The following RPS6KC1 variants were observed in gnomAD, a reference collection of about 807,000 sequenced individuals.
The protein encoded by RPS6KC1 is inactive ribosomal protein S6 kinase delta-1.
In RPS6KC1, 54 loss-of-function variants were observed where a neutral mutation model predicts 103.8. The observed-to-expected ratio is 0.52, with a 90% CI of 0.42 to 0.65. The LOEUF is 0.65. RPS6KC1 is among the 30% of genes least tolerant of loss of function. RPS6KC1 has a pLI of 0.00. For synonymous variants in RPS6KC1, 439 were observed against 438.7 expected (o/e 1.00, Z -0.01); for missense variants, 1,151 against 1,253.8 (o/e 0.92, Z 1.24).
At chr1:213,445,842 G>C in the RPS6KC1 span, among the ~76,000 whole-genome samples, 2 of 152,120 alleles carry the variant, frequency 1.3e-5, no homozygotes, top group African/African-American at 4.8e-5. Context: ...GGTACCCCTC[G>C]CATTCATGGT....
chr1:213,469,645 G>A, the RPS6KC1 span, among the ~76,000 whole-genome samples: 1 of 152,198 alleles, frequency 6.6e-6, no homozygotes, highest in Non-Finnish European at 1.5e-5. Flanking sequence ...CATCATGTGA[G>A]TCCTGCATCA....
chr1:213,118,100 G>C (rs1486347721), intron 5 of RPS6KC1, among the ~76,000 whole-genome samples: 2 of 147,788 alleles, frequency 1.4e-5, no homozygotes, highest in Non-Finnish European at 3.0e-5. Flanking sequence ...ACTGGCTTTA[G>C]AGATTTAGTC....
intron 8 of RPS6KC1, among the ~76,000 whole-genome samples, chr1:213,209,666 G>A (rs2148658691): frequency 8.4e-6 from 1 of 119,692 alleles, no homozygotes; most frequent in East Asian, 2.7e-4. Context: ...CTGCACTCCT[G>A]TCTGGGCAAC....
intron 7 of RPS6KC1, among the ~76,000 whole-genome samples, chr1:213,169,466 T>C (rs747701226): frequency 6.6e-6 from 1 of 152,240 alleles, no homozygotes; most frequent in African/African-American, 2.4e-5. Flanking sequence ...TCTTTTAGTC[T>C]GTATTCTGTT....
chr1:213,261,368 C>CA lies in RPS6KC1; in HGVS notation c.2912-179dup, dbSNP rs368355314. Among the ~76,000 whole-genome samples the CA allele has an allele frequency of 1.3e-3, 193 of 143,664 alleles. 1 individual carries two copies. Among genetic ancestry groups the CA allele is most frequent in the Admixed American group, 2.6e-3 (38 of 14,442 alleles). 94.2% of individuals were successfully genotyped at this position (143,664 alleles called of 152,430 possible). A position where few individuals can be genotyped will look rare whatever the true frequency, so the allele number is the denominator to read the frequency against. ...GTCTGAGTTTAATATATGACTGCATCAAAAAAAAAAATATATGCAACCGCA... is the reference window on the plus strand; with the variant it reads ...GTCTGAGTTTAATATATGACTGCATCAAAAAAAAAAAATATATGCAACCGCA... On this transcript the variant is annotated intron_variant, in intron 12 of 14. Transcript: ENST00000366960.
chr1:213,391,543 A>G, the RPS6KC1 span, among the ~76,000 whole-genome samples: 28 of 152,352 alleles, frequency 1.8e-4, 1 homozygote, highest in Admixed American at 1.6e-3. Context: ...TGTACAGTTC[A>G]GACCTGTCTG....
chr1:213,332,189 A>T, the RPS6KC1 span, among the ~76,000 whole-genome samples: 9 of 152,226 alleles, frequency 5.9e-5, no homozygotes, highest in African/African-American at 2.2e-4. Context: ...AATTTCAGTT[A>T]AAACATTAAC....
Position 213,154,713 on chromosome 1 carries a change from G to C in RPS6KC1, c.836-13145G>C, listed in dbSNP as rs76532683. Among the ~76,000 whole-genome samples, 85 of 152,344 alleles carry C rather than the reference G, an allele frequency of 5.6e-4. 1 individual carries two copies. The highest frequency in any genetic ancestry group is 9.7e-4 in the Non-Finnish European group (66 of 68,036). ...GTTCAATAGTCAAGGCCTGAAATTGGGGCACCTTAAGTGCCCGCTTGGTGC... is the reference window on the plus strand; with the variant it reads ...GTTCAATAGTCAAGGCCTGAAATTGCGGCACCTTAAGTGCCCGCTTGGTGC... On this transcript the variant is annotated intron_variant, in intron 6 of 14. Coordinates refer to ENST00000366960, the MANE Select transcript of RPS6KC1 (RefSeq NM_012424.6).
the RPS6KC1 span, among the ~76,000 whole-genome samples, chr1:213,508,530 T>TTGTGTGTGTGTG: frequency 6.6e-6 from 1 of 150,942 alleles, no homozygotes; most frequent in Non-Finnish European, 1.5e-5. Flanking sequence ...AGTAAGGGGT[T>TTGTGTGTGTGTG]TGTGTGTGTG....
chr1:213,261,433 A>C, intron 12 of RPS6KC1, 125 bp from the exon 13 acceptor site: 1 of 774,766 alleles, frequency 1.3e-6, no homozygotes, highest in Non-Finnish European at 2.1e-6. Context: ...AGGAATTTTG[A>C]AAGCCCAGTA....
At chr1:213,117,584 G>T (rs1473853749) in intron 5 of RPS6KC1, among the ~76,000 whole-genome samples, 174 bp downstream of exon 5, 1 of 151,306 alleles carries the variant, frequency 6.6e-6, no homozygotes, top group African/African-American at 2.4e-5. Flanking sequence ...ATGATATTGG[G>T]TCAGGCATAT....
the RPS6KC1 span, among the ~76,000 whole-genome samples, chr1:213,559,007 C>T: frequency 6.6e-6 from 1 of 152,216 alleles, no homozygotes; most frequent in African/African-American, 2.4e-5. Context: ...TGTAATTAGT[C>T]TAGTTTTTTC....
the RPS6KC1 span, among the ~76,000 whole-genome samples, chr1:213,810,009 C>T: frequency 3.9e-5 from 6 of 152,274 alleles, no homozygotes; most frequent in Non-Finnish European, 7.4e-5. Context: ...ATAAATACAC[C>T]ACAACCAGCC....
chr1:213,438,835 C>G, the RPS6KC1 span, among the ~76,000 whole-genome samples: 3 of 149,776 alleles, frequency 2.0e-5, no homozygotes, highest in African/African-American at 7.4e-5. Flanking sequence ...GCTCTGTCAC[C>G]CAGGCTGGAG....
chr1:213,226,981 CT>C (rs2093978924), intron 8 of RPS6KC1, among the ~76,000 whole-genome samples: 2 of 152,200 alleles, frequency 1.3e-5, no homozygotes, highest in Non-Finnish European at 2.9e-5. Flanking sequence ...CACTTATTAT[CT>C]TTGTGAGTAT....
intron 8 of RPS6KC1, among the ~76,000 whole-genome samples, chr1:213,209,227 A>AT (rs1179522032): frequency 1.3e-5 from 2 of 152,074 alleles, no homozygotes; most frequent in African/African-American, 4.8e-5. Flanking sequence ...GCTCACTTTC[A>AT]TCTACTGTCT....
At chr1:213,176,135 A>C (rs2148293662) in intron 7 of RPS6KC1, among the ~76,000 whole-genome samples, 1 of 152,294 alleles carries the variant, frequency 6.6e-6, no homozygotes, top group Middle Eastern at 3.4e-3. Context: ...AGAAACTGCC[A>C]GCTCATTAAT....
chr1:213,749,398 G>A, the RPS6KC1 span, among the ~76,000 whole-genome samples: 4 of 152,250 alleles, frequency 2.6e-5, no homozygotes, highest in Non-Finnish European at 5.9e-5. Context: ...TATAGAACAG[G>A]GGGGAGAGGT....
chr1:213,281,089 TGTA>T, the RPS6KC1 span, among the ~76,000 whole-genome samples: 1 of 151,646 alleles, frequency 6.6e-6, no homozygotes, highest in African/African-American at 2.4e-5. Context: ...GGTTAGGAAA[TGTA>T]GTATCTGGTG....
Sources: allele counts gnomAD v4.1 joint callset (sites outside exome capture counted in the v4.1 genomes callset), GRCh38; gene constraint gnomAD v4.1.1; transcripts MANE v1.5; gene names NCBI Gene and HGNC (gene_info 2026-07-23, HGNC 2026-07-21).